The following CPLX2 variants were observed in gnomAD, a reference collection of about 807,000 sequenced individuals.
The protein encoded by CPLX2 is complexin-2.
Under a neutral mutation model 16.3 loss-of-function variants are expected in CPLX2, and 5 were observed. The ratio of observed to expected loss-of-function variants is 0.31; its 90% CI spans 0.16 to 0.64. The LOEUF (loss-of-function observed/expected upper bound fraction) is 0.64. Ranked by LOEUF, CPLX2 falls within the 30% of genes least tolerant of loss-of-function variation. The probability of loss-of-function intolerance (pLI) is 0.79; values close to 1 mark genes in which losing one functional copy is unlikely to be tolerated. For missense variants in CPLX2, 144 were observed against 181.4 expected (o/e 0.79, Z 1.18); for synonymous variants, 89 against 73.2 (o/e 1.22, Z -1.10).
chr5:175,878,415 A>T (rs1449393715), intron 1 of CPLX2: 1 of 476,906 alleles, frequency 2.1e-6, no homozygotes, highest in African/African-American at 2.0e-5. Context: ...TAGGGTCAAG[A>T]TGAAGGCTTT....
At chr5:175,873,712 A>T (rs1306678233) in intron 1 of CPLX2, among the ~76,000 whole-genome samples, 2 of 152,234 alleles carry the variant, frequency 1.3e-5, no homozygotes, top group East Asian at 3.9e-4. Flanking sequence ...CGATGATGTT[A>T]GATAATATGT....
chr5:175,848,475 C>G (rs1581090322), intron 2 of CPLX2, among the ~76,000 whole-genome samples: 1 of 152,054 alleles, frequency 6.6e-6, no homozygotes, highest in Admixed American at 6.6e-5. Context: ...CTGGCAATTG[C>G]AAGGTGTTGT....
At chr5:175,802,472 G>C (rs1758117732) in intron 1 of CPLX2, among the ~76,000 whole-genome samples, 1 of 152,200 alleles carries the variant, frequency 6.6e-6, no homozygotes, top group Non-Finnish European at 1.5e-5. Flanking sequence ...CAAGAGGCAG[G>C]CCTTTTTGTT....
upstream of CPLX2, among the ~76,000 whole-genome samples, chr5:175,867,680 A>C (rs1759503370): frequency 6.6e-6 from 1 of 152,024 alleles, no homozygotes; most frequent in Non-Finnish European, 1.5e-5. Flanking sequence ...CAGGAGGGAA[A>C]CACCACCACA....
At chr5:175,855,386 CAT>C (rs1280311916) in intron 2 of CPLX2, among the ~76,000 whole-genome samples, 2 of 152,248 alleles carry the variant, frequency 1.3e-5, no homozygotes, top group Non-Finnish European at 2.9e-5. Flanking sequence ...TGAAATAACA[CAT>C]GTGAACTACT....
At chr5:175,823,512 T>C (rs1235538242) in intron 2 of CPLX2, among the ~76,000 whole-genome samples, 1 of 152,216 alleles carries the variant, frequency 6.6e-6, no homozygotes, top group Non-Finnish European at 1.5e-5. Context: ...TGGAATGGGC[T>C]TAGCCTGAAC....
chr5:175,842,452 C>T (rs1439555712), intron 2 of CPLX2, among the ~76,000 whole-genome samples: 3 of 152,228 alleles, frequency 2.0e-5, no homozygotes, highest in Non-Finnish European at 2.9e-5. Context: ...CTGCAAACCC[C>T]ACACTCTTCC....
chr5:175,858,556 G>C lies in CPLX2; in HGVS notation c.-88-20096G>C, dbSNP rs111462987. 1.8e-3 allele frequency among the ~76,000 whole-genome samples: 269 copies of C among 152,354 alleles called. 1 individual carries two copies. The highest frequency in any genetic ancestry group is 6.1e-3 in the African/African-American group (252 of 41,572). On this transcript the variant is annotated intron_variant, in intron 2 of 4. Transcript: ENST00000359546. The stretch of plus-strand genomic sequence containing the variant: ...GGCCAGTGTCAGTGGGGAGCCATTA[G>C]CACCTCCAACCTGAGGGGCGAAGGA...
intron 1 of CPLX2, among the ~76,000 whole-genome samples, chr5:175,805,110 G>C (rs558485874): frequency 1.3e-5 from 2 of 152,166 alleles, no homozygotes; most frequent in African/African-American, 4.8e-5. Context: ...CGCTGCTGGT[G>C]GTGGGTCAAT....
intron 2 of CPLX2, among the ~76,000 whole-genome samples, chr5:175,827,175 T>C (rs997433921): frequency 6.6e-6 from 1 of 152,116 alleles, no homozygotes; most frequent in African/African-American, 2.4e-5. Context: ...CACCAATCAC[T>C]CTAGCCAGAG....
At chr5:175,844,491 G>A (rs974390152) in intron 2 of CPLX2, among the ~76,000 whole-genome samples, 3 of 152,194 alleles carry the variant, frequency 2.0e-5, no homozygotes, top group African/African-American at 7.2e-5. Flanking sequence ...TCAACAAGGG[G>A]ACAGATGGAA....
intron 2 of CPLX2, among the ~76,000 whole-genome samples, chr5:175,816,357 G>A (rs569515180): frequency 1.3e-5 from 2 of 152,218 alleles, no homozygotes; most frequent in African/African-American, 4.8e-5. Flanking sequence ...TAGTAGAGGC[G>A]GGGTTTCACC....
At chr5:175,865,090 GCA>G (rs1292335340) in intron 2 of CPLX2, among the ~76,000 whole-genome samples, 8 of 151,172 alleles carry the variant, frequency 5.3e-5, no homozygotes, top group Non-Finnish European at 1.0e-4. Flanking sequence ...GTGCGCGCGC[GCA>G]CACACACACA....
At chr5:175,812,921 T>G (rs1425267235) in intron 2 of CPLX2, among the ~76,000 whole-genome samples, 1 of 152,246 alleles carries the variant, frequency 6.6e-6, no homozygotes, top group Non-Finnish European at 1.5e-5. Context: ...GGGAAAGTAC[T>G]GGCATTGAAA....
intron 2 of CPLX2, among the ~76,000 whole-genome samples, chr5:175,834,342 C>A (rs2113660811): frequency 6.6e-6 from 1 of 152,292 alleles, no homozygotes; most frequent in East Asian, 1.9e-4. Context: ...ACAGAAATGT[C>A]CATTCACTCA....
chr5:175,875,265 A>C (rs1759730430), intron 1 of CPLX2, among the ~76,000 whole-genome samples: 1 of 152,140 alleles, frequency 6.6e-6, no homozygotes, highest in Non-Finnish European at 1.5e-5. Flanking sequence ...GAATAAAAGC[A>C]ACATATGGAG....
At chr5:175,836,644 T>C (rs1232487480) in intron 2 of CPLX2, among the ~76,000 whole-genome samples, 3 of 152,234 alleles carry the variant, frequency 2.0e-5, no homozygotes, top group Non-Finnish European at 2.9e-5. Flanking sequence ...AAGCCCAGAA[T>C]TGAGGTTCAG....
chr5:175,849,751 A>G lies in CPLX2; in HGVS notation c.-88-28901A>G, dbSNP rs574942958. ...TAGCTCCCCTGCTGCGTGAGCTCCAACAGGGCCCTGGACCCCACCCTGGCT... is the reference window on the plus strand; with the variant it reads ...TAGCTCCCCTGCTGCGTGAGCTCCAGCAGGGCCCTGGACCCCACCCTGGCT... On this transcript the variant is annotated intron_variant, in intron 2 of 4. Transcript: ENST00000359546. This position sits in a 1 kb window ranked among gnomAD's most constrained non-coding sequence, Gnocchi z 4.4. 1.3e-5 allele frequency among the ~76,000 whole-genome samples: 2 copies of G among 152,162 alleles called. No individual in the cohort carries two copies. Among genetic ancestry groups the G allele is most frequent in the African/African-American group, 2.4e-5 (1 of 41,514 alleles).
chr5:175,863,657 A>G (rs758930735), intron 2 of CPLX2, among the ~76,000 whole-genome samples: 2 of 152,202 alleles, frequency 1.3e-5, no homozygotes, highest in African/African-American at 2.4e-5. Flanking sequence ...TTGTTTGCCA[A>G]ATAAAAGGGA....
Sources: allele counts gnomAD v4.1 joint callset (sites outside exome capture counted in the v4.1 genomes callset), GRCh38; gene constraint gnomAD v4.1.1; non-coding constraint Gnocchi (gnomAD v3.1); transcripts MANE v1.5; gene names NCBI Gene and HGNC (gene_info 2026-07-23, HGNC 2026-07-21).